Variants in SLFN14 observed in about 807,000 individuals in gnomAD.
The protein encoded by SLFN14 is protein SLFN14.
A neutral mutation model predicts 58.6 loss-of-function variants in SLFN14; 47 were observed. That is an observed-to-expected ratio of 0.80 (90% CI 0.64 to 1.02). SLFN14 has a LOEUF of 1.02. Among genes scored for constraint, SLFN14 ranks in the 50% least tolerant of loss-of-function variants. The pLI is 0.00. For synonymous variants in SLFN14, 390 were observed against 387.3 expected (o/e 1.01, Z -0.08); for missense variants, 967 against 1,078.4 (o/e 0.90, Z 1.45).
chr17:35,548,440 C>T lies in SLFN14; in HGVS notation c.2538G>A (p.Glu846=). 6.4e-7 allele frequency: 1 copy of T among 1,551,694 alleles called. No homozygotes were observed. The highest frequency in any genetic ancestry group is 8.7e-7 in the Non-Finnish European group (1 of 1,147,004). ...MELIETHRPS[E]VVFSPATGVW... is the part of the protein sequence containing the mutation. ...CACCGGTGGCCGGGCTAAACACAACCTCTGATGGTCTGTGGGTCTCAATTA... is the reference window on the plus strand; with the variant it reads ...CACCGGTGGCCGGGCTAAACACAACTTCTGATGGTCTGTGGGTCTCAATTA... The change falls in exon 6 of 6, where the codon GAG becomes GAA. Residue 846 remains glutamate (E), a synonymous_variant. Transcript: ENST00000674182.
In SLFN14 at chr17:35,544,528, C is replaced by CT. The variant is rs10641330; in HGVS notation, c.*3710dup. The stretch of plus-strand genomic sequence containing the variant: ...CCCAGATAACAAGATGATTTAAGAA[C>CT]TTTTTTTTTTTTTTTTTGAGACAGA... On this transcript the variant is annotated 3_prime_UTR_variant, in exon 6 of 6. Coordinates refer to ENST00000674182, the MANE Select transcript of SLFN14 (RefSeq NM_001129820.2). 0.2 allele frequency among the ~76,000 whole-genome samples: 28,325 copies of CT among 139,818 alleles called. 2,940 individuals carry two copies. The highest frequency in any genetic ancestry group is 0.28 in the South Asian group (1,219 of 4,406). 91.7% of individuals were successfully genotyped at this position (139,818 alleles called of 152,430 possible). A position where few individuals can be genotyped will look rare whatever the true frequency, so the allele number is the denominator to read the frequency against.
intron 5 of SLFN14, among the ~76,000 whole-genome samples, chr17:35,549,314 C>T (rs868554285): frequency 6.6e-6 from 1 of 152,148 alleles, no homozygotes; most frequent in South Asian, 2.1e-4. Flanking sequence ...TGAAATGAAC[C>T]CAGGTAACAG....
At position 35,552,794 on chromosome 17, in the gene SLFN14, A is replaced by G; in HGVS notation, c.1840T>C (p.Phe614Leu). ...AGGATCTCTTTTGGTTTGCAGTGAA[A>G]CAAGTCCTTAATTTTCTCCATGATC... ...IKIMEKIKDLFHCKPKEILYV... is the reference protein window; with the variant it reads ...IKIMEKIKDLLHCKPKEILYV... The change falls in exon 5 of 6, where the codon TTT becomes CTT. Residue 614 changes from phenylalanine to leucine, a missense_variant. By Grantham distance (22) the Phe-to-Leu change is conservative (BLOSUM62 0). Coordinates refer to ENST00000674182, the MANE Select transcript of SLFN14 (RefSeq NM_001129820.2). 12 of 1,551,484 alleles carry G rather than the reference A, an allele frequency of 7.7e-6. No individual in the cohort carries two copies. The highest frequency in any genetic ancestry group is 2.7e-5 in the African/African-American group (2 of 73,068).
At chr17:35,556,538 C>T (rs983143483) in intron 3 of SLFN14, among the ~76,000 whole-genome samples, 1 of 152,144 alleles carries the variant, frequency 6.6e-6, no homozygotes, top group Non-Finnish European at 1.5e-5. Flanking sequence ...GTAATCCCAG[C>T]AGTTTGGGAG....
chr17:35,550,063 C>A (rs1219342320), intron 5 of SLFN14, among the ~76,000 whole-genome samples: 1 of 152,218 alleles, frequency 6.6e-6, no homozygotes, highest in African/African-American at 2.4e-5. Flanking sequence ...GCTGTATACC[C>A]ACAGTCTGCA....
At position 35,556,016 on chromosome 17, in the gene SLFN14, ATTTATTTTTATTTT is replaced by A. The variant is rs540780834; in HGVS notation, c.1060+973_1060+986del. Among the ~76,000 whole-genome samples, 165 of 152,150 alleles carry A rather than the reference ATTTATTTTTATTTT, an allele frequency of 1.1e-3. 2 individuals are homozygous for A. The highest frequency in any genetic ancestry group is 2.2e-3 in the Admixed American group (33 of 15,282). ...AAAGAATTAGTGGAGTAGTGGAGTC[ATTTATTTTTATTTT>A]TTTATTTTTATTTATTTATTTTTTT... On this transcript the variant is annotated intron_variant, in intron 3 of 5. Coordinates refer to ENST00000674182, the MANE Select transcript of SLFN14 (RefSeq NM_001129820.2).
intron 3 of SLFN14, 39 bp from the exon 4 acceptor site, chr17:35,554,743 A>G: frequency 7.9e-7 from 1 of 1,263,040 alleles, no homozygotes; most frequent in Non-Finnish European, 1.0e-6. Flanking sequence ...GACAAAAAAT[A>G]AAAAGTTAAA....
At chr17:35,559,040 T>C (rs542219414) in intron 2 of SLFN14, among the ~76,000 whole-genome samples, 1 of 146,408 alleles carries the variant, frequency 6.8e-6, no homozygotes, top group Non-Finnish European at 1.5e-5. Context: ...CAAGACCCCA[T>C]CTCGACAAAA....
At position 35,557,781 on chromosome 17, in the gene SLFN14, T is replaced by A. The variant is rs2072668381; in HGVS notation, c.282A>T (p.Lys94Asn). The change falls in exon 3 of 6, where the codon AAA becomes AAT. Residue 94 changes from lysine (K) to asparagine (N), a missense_variant. Transcript: ENST00000674182. ...GCCCCTGCTGCATGTAGTCAAGGTA[T>A]TTCTGTGAACCTGAAGGAAGGAGCT... ...FQKLLPSGSQ[K>N]YLDYMQQGHN... The A allele has an allele frequency of 6.4e-7, 1 of 1,551,608 alleles. No individual in the cohort carries two copies. Among genetic ancestry groups the A allele is most frequent in the African/African-American group, 1.4e-5 (1 of 73,052 alleles).
intron 3 of SLFN14, among the ~76,000 whole-genome samples, chr17:35,555,301 G>T (rs1403887332): frequency 2.0e-5 from 3 of 151,838 alleles, no homozygotes; most frequent in African/African-American, 7.3e-5. Context: ...GAACCCAGGA[G>T]ACGGAGCTTG....
chr17:35,550,585 T>G (rs942080496), intron 5 of SLFN14, among the ~76,000 whole-genome samples: 2 of 152,186 alleles, frequency 1.3e-5, no homozygotes, highest in Non-Finnish European at 2.9e-5. Flanking sequence ...AATGAGCATG[T>G]CTTTATTATT....
rs1303642343 is a variant in SLFN14 at position 35,557,686 on chromosome 17, A to G, written c.377T>C (p.Leu126Ser). The stretch of plus-strand genomic sequence containing the variant: ...ATCTCTCCGATACAAATTGGAGCGC[A>G]AGCTGCAAATCCTTAGTGGAAGGCT... ...VFSLPLRICS[L>S]RSNLYRRDVT... The change falls in exon 3 of 6, where the codon TTG (leucine) becomes TCG (serine). Residue 126 changes from leucine (L) to serine (S), a missense_variant. Physicochemically the swap from Leu to Ser is moderately radical, Grantham distance 145. Transcript: ENST00000674182. 2 of 1,551,606 alleles carry G rather than the reference A, an allele frequency of 1.3e-6. No individual in the cohort carries two copies. Among genetic ancestry groups the G allele is most frequent in the Non-Finnish European group, 1.7e-6 (2 of 1,146,986 alleles).
At chr17:35,558,551 C>T (rs992912789) in intron 2 of SLFN14, among the ~76,000 whole-genome samples, 15 of 151,910 alleles carry the variant, frequency 9.9e-5, no homozygotes, top group African/African-American at 2.4e-4. Context: ...TGTGAGCCAC[C>T]GCACCCAACT....
chr17:35,548,250 C>T lies in SLFN14; in HGVS notation c.2728G>A (p.Ala910Thr). 6.4e-7 allele frequency: 1 copy of T among 1,550,912 alleles called. No homozygotes were observed. Among genetic ancestry groups the T allele is most frequent in the South Asian group, 1.2e-5 (1 of 84,056 alleles). ...KHLYLLYEKR[A>T]AY ...ATTTGTAATAATTTTCAGTAGGCTG[C>T]CCTCTTTTCATAAAGCAGGTAGAGG... is the stretch of plus-strand genomic sequence containing the variant. The change falls in exon 6 of 6, where the codon GCA becomes ACA. Residue 910 changes from alanine (A) to threonine (T), a missense_variant. Transcript: ENST00000674182.
chr17:35,550,051 C>G (rs1456502341), intron 5 of SLFN14, among the ~76,000 whole-genome samples: 1 of 152,204 alleles, frequency 6.6e-6, no homozygotes, highest in African/African-American at 2.4e-5. Context: ...ACATCACCAC[C>G]TGCTGTATAC....
Position 35,557,100 on chromosome 17 carries a change from C to T in SLFN14, c.963G>A (p.Val321=), listed in dbSNP as rs1448641327. 1 of 1,551,690 alleles carries T rather than the reference C, an allele frequency of 6.4e-7. No homozygotes were observed. ...TCCAGGAATCTGGGGCCTCTGCAAA[C>T]ACCACGCAACAGAAGGGCTCCACTT... ...VIQVEPFCCV[V]FAEAPDSWIM... Residue 321 remains valine, a synonymous_variant, in exon 3 of 6, where the codon GTG becomes GTA. Coordinates refer to ENST00000674182, the MANE Select transcript of SLFN14 (RefSeq NM_001129820.2).
chr17:35,554,791 ACTGGAGAC>A, intron 3 of SLFN14, 87 bp from the exon 4 acceptor site: 5 of 1,196,064 alleles, frequency 4.2e-6, no homozygotes, highest in Non-Finnish European at 5.4e-6. Context: ...GGCTCTTCTT[ACTGGAGAC>A]CTGTGATGTG....
At position 35,557,450 on chromosome 17, in the gene SLFN14, T is replaced by G; in HGVS notation, c.613A>C (p.Thr205Pro). Reference sequence around the variant, plus strand: ...TTAAATTCAACATGTGTTGACTCAGTAAAGTTGAGTTTCTCCTTATACATG... The same window carrying G: ...TTAAATTCAACATGTGTTGACTCAGGAAAGTTGAGTTTCTCCTTATACATG... The part of the protein sequence containing the change: ...KLMYKEKLNF[T>P]ESTHVEFKRF... The change falls in exon 3 of 6, where the codon ACT (threonine) becomes CCT (proline). Residue 205 changes from threonine to proline, a missense_variant. Coordinates refer to ENST00000674182, the MANE Select transcript of SLFN14 (RefSeq NM_001129820.2). 1 of 1,551,698 alleles carries G rather than the reference T, an allele frequency of 6.4e-7. No homozygotes were observed. The highest frequency in any genetic ancestry group is 8.7e-7 in the Non-Finnish European group (1 of 1,146,986).
chr17:35,558,900 T>C (rs1372916621), intron 2 of SLFN14, among the ~76,000 whole-genome samples: 1 of 152,120 alleles, frequency 6.6e-6, no homozygotes, highest in East Asian at 1.9e-4. Context: ...ATATGTACTG[T>C]AGAAGATCTT....
Sources: gnomAD v4.1 joint callset for allele counts (sites outside exome capture counted in the v4.1 genomes callset) on GRCh38, gnomAD v4.1.1 for gene constraint, MANE v1.5 for transcripts, NCBI Gene and HGNC (gene_info 2026-07-23, HGNC 2026-07-21) for gene names.